Variants in HADHB observed in about 807,000 individuals in gnomAD.
HADHB encodes the protein trifunctional enzyme subunit beta, mitochondrial.
A neutral mutation model predicts 61.9 loss-of-function variants in HADHB; 50 were observed. The ratio of observed to expected loss-of-function variants is 0.81; its 90% CI spans 0.64 to 1.02. The LOEUF is 1.02. Ranked by LOEUF, HADHB falls within the 50% of genes least tolerant of loss-of-function variation. The probability of loss-of-function intolerance (pLI) is 0.00; values close to 1 mark genes in which losing one functional copy is unlikely to be tolerated. For missense variants in HADHB, 504 were observed against 586.5 expected (o/e 0.86, Z 1.45); for synonymous variants, 191 against 201.6 (o/e 0.95, Z 0.45).
chr2:26,252,910 A>G (rs1671459015), intron 1 of HADHB, among the ~76,000 whole-genome samples: 1 of 152,238 alleles, frequency 6.6e-6, no homozygotes, highest in African/African-American at 2.4e-5. Flanking sequence ...GGACTGTGCC[A>G]GTTCTCTTGG....
chr2:26,261,083 T>G, intron 3 of HADHB: 1 of 1,213,094 alleles, frequency 8.2e-7, no homozygotes, highest in Non-Finnish European at 1.2e-6. Flanking sequence ...GTACCTACTC[T>G]GAATCTAATC....
chr2:26,260,716 G>A (rs998646846), intron 3 of HADHB: 1 of 378,082 alleles, frequency 2.6e-6, no homozygotes, highest in East Asian at 4.9e-5. Flanking sequence ...GGATGAGAAG[G>A]TTTGTGTGTA....
At chr2:26,279,345 A>G (rs1672692362) in intron 9 of HADHB, 30 bp downstream of exon 9, 1 of 1,497,344 alleles carries the variant, frequency 6.7e-7, no homozygotes, top group East Asian at 2.3e-5. Flanking sequence ...GACACTTATT[A>G]GGGAGTTCTG....
chr2:26,284,199 T>G lies in HADHB; in HGVS notation c.1144T>G (p.Phe382Val). The G allele has an allele frequency of 6.5e-7, 1 of 1,530,180 alleles. No individual in the cohort carries two copies. The highest frequency in any genetic ancestry group is 9.1e-7 in the Non-Finnish European group (1 of 1,103,926). 94.8% of individuals were successfully genotyped at this position (1,530,180 alleles called of 1,614,324 possible). Residue 382 changes from phenylalanine (F) to valine (V), a missense_variant, in exon 13 of 16, where the codon TTC (phenylalanine) becomes GTC (valine). Phe to Val is a conservative substitution (Grantham distance 50). Transcript: ENST00000317799. ...DIDAFEFHEA[F>V]SGQILANFKA... ...TGATGCTTTTGAATTTCATGAAGCT[T>G]TCTCGGTAAGTAATTTGAAAGACAC...
rs755603548 is a variant in HADHB, at chr2:26,283,005, G to A, written c.1015G>A (p.Asp339Asn). The change falls in exon 12 of 16, where the codon GAT (aspartate) becomes AAT (asparagine). Residue 339 changes from aspartate to asparagine, a missense_variant and splice_region_variant. Asp to Asn is a conservative substitution (Grantham distance 23, BLOSUM62 1). Coordinates refer to ENST00000317799, the MANE Select transcript of HADHB (RefSeq NM_000183.3). The stretch of plus-strand genomic sequence containing the variant: ...TCACCTCTCTATTTTTTTACCTAGG[G>A]ATTTTATGTATGTGTCTCAGGATCC... ...MGYKPKAYLR[D>N]FMYVSQDPKD... The A allele has an allele frequency of 5.6e-6, 9 of 1,608,970 alleles. No individual in the cohort carries two copies. The highest frequency in any genetic ancestry group is 2.7e-5 in the African/African-American group (2 of 74,838).
intron 6 of HADHB, 38 bp from the exon 7 acceptor site, chr2:26,277,035 C>T (rs1328000538): frequency 4.1e-6 from 4 of 973,326 alleles, no homozygotes; most frequent in Admixed American, 3.4e-5. Context: ...GATGCCCTTC[C>T]CTTATAGTGA....
At chr2:26,278,369 AT>A (rs1403377439) in intron 7 of HADHB, among the ~76,000 whole-genome samples, 1 of 152,238 alleles carries the variant, frequency 6.6e-6, no homozygotes, top group East Asian at 1.9e-4. Context: ...AGTTGGTCCA[AT>A]GGATATTCCT....
intron 3 of HADHB, among the ~76,000 whole-genome samples, chr2:26,259,128 C>T (rs947056199): frequency 7.9e-5 from 12 of 152,202 alleles, no homozygotes; most frequent in African/African-American, 2.2e-4. Context: ...ACTTACTGCA[C>T]GGTCACTTCA....
intron 4 of HADHB, among the ~76,000 whole-genome samples, chr2:26,264,752 G>C (rs1489705325): frequency 6.6e-6 from 1 of 152,078 alleles, no homozygotes; most frequent in East Asian, 1.9e-4. Context: ...GCTCATGCCT[G>C]TAATCCCAGC....
At chr2:26,281,562 T>A (rs1394280383) in intron 10 of HADHB, among the ~76,000 whole-genome samples, 2 of 152,198 alleles carry the variant, frequency 1.3e-5, no homozygotes, top group East Asian at 3.9e-4. Context: ...TTTTGATTAT[T>A]TCCAGGGTAT....
At chr2:26,262,950 G>A (rs1671921129) in intron 3 of HADHB, among the ~76,000 whole-genome samples, 1 of 151,958 alleles carries the variant, frequency 6.6e-6, no homozygotes, top group Non-Finnish European at 1.5e-5. Context: ...TTTAGTAAAT[G>A]GCAAATGCAA....
rs1558355638 is a variant in HADHB at position 26,277,127 on chromosome 2, G to A, written c.409G>A (p.Ala137Thr). The A allele has an allele frequency of 1.2e-6, 2 of 1,603,900 alleles. No homozygotes were observed. Among genetic ancestry groups the A allele is most frequent in the Non-Finnish European group, 1.7e-6 (2 of 1,171,018 alleles). Residue 137 changes from alanine to threonine, a missense_variant, in exon 7 of 16, where the codon GCT becomes ACT. Physicochemically the swap from Ala to Thr is moderately conservative, Grantham distance 58 (BLOSUM62 0). Transcript: ENST00000317799. ...GACTCCTGCTCACACTGTCACCATG[G>A]CTTGTATCTCTGCCAACCAAGCCAT... The part of the protein sequence containing the change: ...DKTPAHTVTM[A>T]CISANQAMTT...
intron 3 of HADHB, chr2:26,261,637 T>A (rs1400674322): frequency 6.6e-6 from 1 of 152,474 alleles, no homozygotes; most frequent in African/African-American, 2.4e-5. Flanking sequence ...TAGCCAGGTG[T>A]GGTGTCGTGT....
rs186249755 is a variant in HADHB at position 26,266,332 on chromosome 2, T to C, written c.209+2853T>C. ...GGGAAAATGTATAAGGACAACAATT[T>C]TTACATTATTGATGTTAGGATTGAA... On this transcript the variant is annotated intron_variant, in intron 4 of 15. Coordinates refer to ENST00000317799, the MANE Select transcript of HADHB (RefSeq NM_000183.3). Among the ~76,000 whole-genome samples, 6 of 152,252 alleles carry C rather than the reference T, an allele frequency of 3.9e-5. No individual in the cohort carries two copies. In the East Asian group the frequency reaches 5.8e-4, roughly 15 times the overall value.
chr2:26,266,095 G>GAA lies in HADHB; in HGVS notation c.209+2626_209+2627dup, dbSNP rs36093542. Among the ~76,000 whole-genome samples, 812 of 138,854 alleles carry GAA rather than the reference G, an allele frequency of 5.8e-3. 6 individuals are homozygous for GAA. The highest frequency in any genetic ancestry group is 0.021 in the African/African-American group (787 of 37,880). The allele number at this position is 138,854 out of a possible 152,430, so 91.1% of individuals were successfully genotyped here. A position where few individuals can be genotyped will look rare whatever the true frequency, so the allele number is the denominator to read the frequency against. The stretch of plus-strand genomic sequence containing the variant: ...CCCAGTCCTATCTCTACAAAAAAAA[G>GAA]AAAAAAAAAAAGGTGTTTTAATTAG... On this transcript the variant is annotated intron_variant, in intron 4 of 15. Transcript: ENST00000317799.
intron 1 of HADHB, among the ~76,000 whole-genome samples, chr2:26,247,192 C>G (rs1671201024): frequency 6.6e-6 from 1 of 152,160 alleles, no homozygotes; most frequent in Non-Finnish European, 1.5e-5. Context: ...GTGTATCTTT[C>G]CATAGTTCAC....
intron 1 of HADHB, among the ~76,000 whole-genome samples, chr2:26,253,857 A>AAAATAAATAAAT (rs146843338): frequency 0.018 from 2,200 of 125,584 alleles, 35 homozygotes; most frequent in Middle Eastern, 0.04. Flanking sequence ...CCATCTCAAA[A>AAAATAAATAAAT]AAATAAATAA....
intron 13 of HADHB, among the ~76,000 whole-genome samples, chr2:26,284,463 CTTT>C (rs370346760): frequency 4.4e-5 from 6 of 136,856 alleles, no homozygotes; most frequent in Admixed American, 7.4e-5. Flanking sequence ...TTCAACTTTA[CTTT>C]TTTTTTTTTT....
At chr2:26,285,739 G>GGTTTTTTTTTTTTTTTTTT (rs1673000559) in intron 15 of HADHB, among the ~76,000 whole-genome samples, 168 bp downstream of exon 15, 2 of 65,082 alleles carry the variant, frequency 3.1e-5, no homozygotes, top group Non-Finnish European at 5.7e-5. Context: ...TGTTTTTTGG[G>GGTTTTTTTTTTTTTTTTTT]TTTTTTTTTT....
Sources: allele counts gnomAD v4.1 joint callset (sites outside exome capture counted in the v4.1 genomes callset), GRCh38; gene constraint gnomAD v4.1.1; transcripts MANE v1.5; gene names NCBI Gene and HGNC (gene_info 2026-07-23, HGNC 2026-07-21).